LAP3: variants seen among roughly 807,000 people sequenced by gnomAD.
LAP3 encodes leucine aminopeptidase 3.
LAP3 carries 46 observed loss-of-function variants against 58.8 expected under a neutral mutation model. The ratio of observed to expected loss-of-function variants is 0.78; its 90% CI spans 0.62 to 1.00. The LOEUF is 1.00. Ranked by LOEUF, LAP3 falls within the 50% of genes least tolerant of loss-of-function variation. The pLI, the probability that LAP3 is intolerant of heterozygous loss-of-function variation, is 0.00. For synonymous variants in LAP3, 257 were observed against 237.7 expected (o/e 1.08, Z -0.75); for missense variants, 615 against 659.1 (o/e 0.93, Z 0.73).
In LAP3 at chr4:17,598,558, G is replaced by A. The variant is rs1713890834; in HGVS notation, c.1180G>A (p.Gly394Ser). Residue 394 changes from glycine to serine, a missense_variant and splice_region_variant, in exon 10 of 13, where the codon GGT becomes AGT. Gly to Ser is a moderately conservative substitution (Grantham distance 56, BLOSUM62 0). Coordinates refer to ENST00000226299, the MANE Select transcript of LAP3 (RefSeq NM_015907.3). ...CATCCTCAATGCCGCCACCTTAACA[G>A]GTCAGACCGCGCACTTGCCTTGATT... ...KVILNAATLT[G>S]AMDVALGSGA... 2 of 1,606,840 alleles carry A rather than the reference G, an allele frequency of 1.2e-6. No homozygotes were observed. Among genetic ancestry groups the A allele is most frequent in the Non-Finnish European group, 1.7e-6 (2 of 1,173,496 alleles).
At chr4:17,584,643 C>T (rs901443108) in intron 5 of LAP3, among the ~76,000 whole-genome samples, 7 of 152,170 alleles carry the variant, frequency 4.6e-5, no homozygotes, top group African/African-American at 1.7e-4. Flanking sequence ...CTGTGGAAGC[C>T]TCTTCTCTTC....
intron 5 of LAP3, 124 bp from the exon 6 acceptor site, chr4:17,584,848 C>T (rs1713460149): frequency 3.3e-6 from 3 of 901,100 alleles, no homozygotes; most frequent in Admixed American, 5.7e-5. Flanking sequence ...GTCCTGTGTG[C>T]CAATTGTTTT....
intron 7 of LAP3, among the ~76,000 whole-genome samples, chr4:17,593,135 G>T (rs1329142873): frequency 1.3e-5 from 2 of 152,212 alleles, no homozygotes; most frequent in Non-Finnish European, 2.9e-5. Flanking sequence ...TTGGACATTG[G>T]TATATCTTCT....
chr4:17,595,565 C>T (rs375189008), intron 8 of LAP3, 31 bp downstream of exon 8: 45 of 1,607,898 alleles, frequency 2.8e-5, no homozygotes, highest in African/African-American at 1.3e-4. Flanking sequence ...CATCTCATAA[C>T]GCTTCTGGAT....
chr4:17,592,122 A>G (rs914195162), intron 7 of LAP3, among the ~76,000 whole-genome samples: 1 of 152,184 alleles, frequency 6.6e-6, no homozygotes, highest in East Asian at 1.9e-4. Flanking sequence ...AGATAGGTAG[A>G]TAGATTGATT....
At chr4:17,595,154 C>A (rs374987785) in intron 7 of LAP3, among the ~76,000 whole-genome samples, 2 of 150,172 alleles carry the variant, frequency 1.3e-5, no homozygotes, top group Non-Finnish European at 3.0e-5. Context: ...AAAAAATTAG[C>A]CAGGCATGGT....
rs563910317 is a variant in LAP3, at chr4:17,595,794, T to C, written c.988+260T>C. The stretch of plus-strand genomic sequence containing the variant: ...AAAGTGGCTAGCAGTCAGGGGCACA[T>C]AATGTCAAGTTTGTAGTTGACATTA... On this transcript the variant is annotated intron_variant, in intron 8 of 12. Transcript: ENST00000226299. Among the ~76,000 whole-genome samples, 9 of 152,310 alleles carry C rather than the reference T, an allele frequency of 5.9e-5. No individual in the cohort carries two copies. In the East Asian group the frequency reaches 1.7e-3, roughly 29 times the overall value.
At chr4:17,603,505 CTTT>C (rs112112721) in intron 10 of LAP3, among the ~76,000 whole-genome samples, 18 of 137,024 alleles carry the variant, frequency 1.3e-4, no homozygotes, top group South Asian at 2.4e-4. Context: ...AGCAAGAAAT[CTTT>C]TTTTTTTTTT....
In LAP3 at chr4:17,607,434, A is replaced by G. The variant is rs780641200; in HGVS notation, c.1405A>G (p.Lys469Glu). ...AGCATGTACAGCTGCAGCATTCCTGAAAGAATTCGTAACTCATCCTAAGTG... is the reference window on the plus strand; with the variant it reads ...AGCATGTACAGCTGCAGCATTCCTGGAAGAATTCGTAACTCATCCTAAGTG... ...AGACTAAAFL[K>E]EFVTHPKWAH... is the part of the protein sequence containing the mutation. Residue 469 changes from lysine (K) to glutamate (E), a missense_variant, in exon 13 of 13, where the codon AAA becomes GAA. By Grantham distance (56) the Lys-to-Glu change is moderately conservative (BLOSUM62 1). Coordinates refer to ENST00000226299, the MANE Select transcript of LAP3 (RefSeq NM_015907.3). 3 of 1,613,760 alleles carry G rather than the reference A, an allele frequency of 1.9e-6. No homozygotes were observed. The highest frequency in any genetic ancestry group is 2.5e-6 in the Non-Finnish European group (3 of 1,179,946).
chr4:17,592,342 G>A (rs61047804), intron 7 of LAP3, among the ~76,000 whole-genome samples: 94,190 of 146,702 alleles, frequency 0.64, 29,843 homozygotes, highest in East Asian at 0.89. Flanking sequence ...TTTGATGTCT[G>A]GCTTCTTTCA....
intron 11 of LAP3, among the ~76,000 whole-genome samples, chr4:17,606,075 C>T (rs1355530077): frequency 1.3e-5 from 2 of 152,198 alleles, no homozygotes; most frequent in Non-Finnish European, 2.9e-5. Context: ...TATTTCAGCA[C>T]ACCTGGTGGT....
At chr4:17,606,005 T>C (rs1474266433) in intron 11 of LAP3, among the ~76,000 whole-genome samples, 2 of 152,204 alleles carry the variant, frequency 1.3e-5, no homozygotes, top group Admixed American at 6.5e-5. Context: ...AGTTAAATAA[T>C]CTGTTTATGT....
intron 11 of LAP3, 100 bp from the exon 12 acceptor site, chr4:17,606,729 G>C (rs1012891036): frequency 5.1e-5 from 35 of 692,662 alleles, no homozygotes; most frequent in Non-Finnish European, 7.3e-5. Flanking sequence ...TAGAGTAACA[G>C]GTTAGAACAA....
intron 8 of LAP3, 101 bp downstream of exon 8, chr4:17,595,635 G>T: frequency 2.9e-6 from 4 of 1,360,590 alleles, no homozygotes; most frequent in Non-Finnish European, 3.1e-6. Context: ...GAAAAGATAA[G>T]AAATGATTTT....
chr4:17,582,637 T>G, intron 4 of LAP3: 1 of 369,142 alleles, frequency 2.7e-6, no homozygotes, highest in Non-Finnish European at 5.0e-6. Context: ...TACTACCATT[T>G]GTTCGCTCTT....
Position 17,595,528 on chromosome 4 carries a change from A to G in LAP3, c.982A>G (p.Ile328Val). The G allele has an allele frequency of 6.2e-7, 1 of 1,613,862 alleles. No homozygotes were observed. The highest frequency in any genetic ancestry group is 8.5e-7 in the Non-Finnish European group (1 of 1,179,836). ...SAAKLNLPIN[I>V]IGLAPLCENM... is the part of the protein sequence containing the mutation. ...TGCAAAGCTTAATTTGCCCATTAATATTATAGGTAAGTGGGGTAACGGATT... is the reference window on the plus strand; with the variant it reads ...TGCAAAGCTTAATTTGCCCATTAATGTTATAGGTAAGTGGGGTAACGGATT... Residue 328 changes from isoleucine to valine, a missense_variant, in exon 8 of 13, where the codon ATT becomes GTT. Transcript: ENST00000226299.
chr4:17,604,736 G>T, intron 11 of LAP3, 69 bp downstream of exon 11: 1 of 1,215,398 alleles, frequency 8.2e-7, no homozygotes, highest in Non-Finnish European at 1.2e-6. Flanking sequence ...TAGAAGGATA[G>T]ACTTCTTCAA....
intron 5 of LAP3, among the ~76,000 whole-genome samples, chr4:17,584,138 C>G (rs917120177): frequency 1.3e-5 from 2 of 152,252 alleles, no homozygotes; most frequent in African/African-American, 2.4e-5. Flanking sequence ...GGCCCTGGCA[C>G]TGGCCAAGGG....
chr4:17,581,487 C>T lies in LAP3; in HGVS notation c.219-273C>T, dbSNP rs749277103. ...TGTAATCTGTATTACACCTGTAATCCTAGCACCTCGGGAGGCTGAGGTGGG... is the reference window on the plus strand; with the variant it reads ...TGTAATCTGTATTACACCTGTAATCTTAGCACCTCGGGAGGCTGAGGTGGG... On this transcript the variant is annotated intron_variant, in intron 2 of 12. Coordinates refer to ENST00000226299, the MANE Select transcript of LAP3 (RefSeq NM_015907.3). Among the ~76,000 whole-genome samples the T allele has an allele frequency of 3.3e-5, 5 of 151,996 alleles. No homozygotes were observed. In the Middle Eastern group the frequency reaches 0.01, roughly 310 times the overall value.
Sources: allele counts gnomAD v4.1 joint callset (sites outside exome capture counted in the v4.1 genomes callset), GRCh38; gene constraint gnomAD v4.1.1; transcripts MANE v1.5; gene names NCBI Gene and HGNC (gene_info 2026-07-23, HGNC 2026-07-21).